The following SUPT3H variants were observed in gnomAD, a reference collection of about 807,000 sequenced individuals.
SUPT3H encodes the protein transcription initiation protein SPT3 homolog.
A neutral mutation model predicts 44.3 loss-of-function variants in SUPT3H; 44 were observed. The observed-to-expected ratio is 0.99, with a 90% CI of 0.78 to 1.28. The LOEUF (loss-of-function observed/expected upper bound fraction) is 1.28, where lower values mean the gene tolerates loss of function less well. Ranked by LOEUF, SUPT3H falls within the 50% of genes most tolerant of loss-of-function variation. The probability of loss-of-function intolerance (pLI) is 0.00; values close to 1 mark genes in which losing one functional copy is unlikely to be tolerated. For missense variants in SUPT3H, 380 were observed against 387.1 expected (o/e 0.98, Z 0.15); for synonymous variants, 124 against 125.6 (o/e 0.99, Z 0.09).
Position 45,283,653 on chromosome 6 carries a change from C to A in SUPT3H, c.101+81548G>T, listed in dbSNP as rs559984839. Among the ~76,000 whole-genome samples, 1,056 of 152,170 alleles carry A rather than the reference C, an allele frequency of 6.9e-3. 8 individuals are homozygous for A. The highest frequency in any genetic ancestry group is 8.7e-3 in the Non-Finnish European group (590 of 68,014). On this transcript the variant is annotated intron_variant, in intron 2 of 10. Transcript: ENST00000371459. ...ATAATAATGGGAGACTTTAACACCC[C>A]ACTGTCAACACTAGACAGACCAACG...
At chr6:45,145,847 T>G (rs1261822593) in intron 2 of SUPT3H, among the ~76,000 whole-genome samples, 2 of 152,004 alleles carry the variant, frequency 1.3e-5, no homozygotes, top group African/African-American at 2.4e-5. Flanking sequence ...CATCAAAAAG[T>G]GGGCAAAAGA....
intron 3 of SUPT3H, among the ~76,000 whole-genome samples, chr6:45,050,869 G>C (rs560438678): frequency 1.3e-5 from 2 of 148,446 alleles, no homozygotes; most frequent in East Asian, 4.1e-4. Flanking sequence ...GTGTATAAGA[G>C]GGTATGGGAT....
At chr6:45,100,908 C>T (rs547811765) in intron 3 of SUPT3H, among the ~76,000 whole-genome samples, 6 of 152,100 alleles carry the variant, frequency 3.9e-5, no homozygotes, top group Non-Finnish European at 7.4e-5. Flanking sequence ...TTTATTGCAG[C>T]AATACTCACA....
At chr6:44,811,537 G>T (rs1033964417) in intron 11 of SUPT3H, among the ~76,000 whole-genome samples, 8 of 152,158 alleles carry the variant, frequency 5.3e-5, no homozygotes, top group Non-Finnish European at 1.0e-4. Flanking sequence ...AGTTAGAGTT[G>T]GCCAAAAGGG....
intron 2 of SUPT3H, among the ~76,000 whole-genome samples, chr6:45,292,225 G>A (rs893078172): frequency 2.2e-4 from 33 of 151,998 alleles, no homozygotes; most frequent in Non-Finnish European, 4.6e-4. Flanking sequence ...GTCTTTTTCA[G>A]ACAAACAAAT....
intron 1 of SUPT3H, among the ~76,000 whole-genome samples, chr6:45,372,426 T>C (rs933749900): frequency 2.0e-5 from 3 of 152,210 alleles, no homozygotes; most frequent in East Asian, 1.9e-4. Flanking sequence ...AAGAATGTTA[T>C]GACTAAGAGT....
At chr6:44,960,368 C>T (rs569106154) in intron 7 of SUPT3H, among the ~76,000 whole-genome samples, 4 of 143,620 alleles carry the variant, frequency 2.8e-5, no homozygotes, top group Admixed American at 7.2e-5. Flanking sequence ...TGCAGTGAGC[C>T]GAGATCGCAC....
At chr6:44,903,218 T>A (rs1235559969) in intron 10 of SUPT3H, among the ~76,000 whole-genome samples, 4 of 152,190 alleles carry the variant, frequency 2.6e-5, no homozygotes, top group Middle Eastern at 3.4e-3. Flanking sequence ...CAAAAAACCC[T>A]TCAAAAAATC....
chr6:45,188,610 G>T (rs1278835010), intron 2 of SUPT3H, among the ~76,000 whole-genome samples: 2 of 152,146 alleles, frequency 1.3e-5, no homozygotes, highest in Non-Finnish European at 2.9e-5. Context: ...TTCCAGGCAT[G>T]CAAGCCTGTT....
chr6:45,055,369 A>G (rs1249405917), intron 3 of SUPT3H, among the ~76,000 whole-genome samples: 3 of 152,162 alleles, frequency 2.0e-5, no homozygotes, highest in Non-Finnish European at 4.4e-5. Flanking sequence ...ACAAAGGGAG[A>G]CTAAGCAAAA....
intron 2 of SUPT3H, among the ~76,000 whole-genome samples, chr6:45,239,714 T>G (rs1769927443): frequency 6.6e-6 from 1 of 152,210 alleles, no homozygotes; most frequent in Non-Finnish European, 1.5e-5. Context: ...TTAAAACAGA[T>G]GATGCCCCAG....
At chr6:45,228,509 T>C (rs1306475523) in intron 2 of SUPT3H, among the ~76,000 whole-genome samples, 5 of 152,230 alleles carry the variant, frequency 3.3e-5, no homozygotes, top group African/African-American at 1.2e-4. Flanking sequence ...CAAATTGGTA[T>C]GTTGGCTCTG....
intron 3 of SUPT3H, among the ~76,000 whole-genome samples, chr6:45,024,568 T>C (rs538199285): frequency 6.6e-6 from 1 of 152,354 alleles, no homozygotes; most frequent in South Asian, 2.1e-4. Context: ...TAATTATATT[T>C]ATTGTTTTTC....
intron 2 of SUPT3H, among the ~76,000 whole-genome samples, chr6:45,314,301 G>A (rs1441085630): frequency 6.6e-6 from 1 of 152,062 alleles, no homozygotes; most frequent in Non-Finnish European, 1.5e-5. Context: ...AGAACAATCC[G>A]ACAAGAGAAA....
At chr6:45,057,981 T>C (rs1276667776) in intron 3 of SUPT3H, among the ~76,000 whole-genome samples, 1 of 152,206 alleles carries the variant, frequency 6.6e-6, no homozygotes, top group Admixed American at 6.5e-5. Context: ...CAATTTTAGT[T>C]ATACACATGA....
chr6:45,150,723 T>TC (rs1357982466), intron 2 of SUPT3H, among the ~76,000 whole-genome samples: 180 of 137,382 alleles, frequency 1.3e-3, no homozygotes, highest in African/African-American at 4.7e-3. Context: ...ATTCTGCGTT[T>TC]TTTTTTTTTT....
At chr6:45,056,039 G>T (rs572850006) in intron 3 of SUPT3H, among the ~76,000 whole-genome samples, 1 of 151,862 alleles carries the variant, frequency 6.6e-6, no homozygotes, top group Non-Finnish European at 1.5e-5. Context: ...ATTCTCAAAA[G>T]AATATATACA....
At chr6:44,865,665 T>C (rs1775385863) in intron 10 of SUPT3H, among the ~76,000 whole-genome samples, 3 of 152,166 alleles carry the variant, frequency 2.0e-5, no homozygotes, top group African/African-American at 7.2e-5. Context: ...GAAACCACCA[T>C]GATTCAATTA....
intron 2 of SUPT3H, among the ~76,000 whole-genome samples, chr6:45,234,942 G>A (rs1455107468): frequency 3.3e-5 from 5 of 152,098 alleles, no homozygotes; most frequent in African/African-American, 1.2e-4. Context: ...AAATTTAAGA[G>A]CTGAATGAAC....
Sources: allele counts gnomAD v4.1 joint callset (sites outside exome capture counted in the v4.1 genomes callset), GRCh38; gene constraint gnomAD v4.1.1; transcripts MANE v1.5; gene names NCBI Gene and HGNC (gene_info 2026-07-23, HGNC 2026-07-21).